The following MAP2 variants were observed in gnomAD, a reference collection of about 807,000 sequenced individuals.
The protein encoded by MAP2 is microtubule-associated protein 2.
Under a neutral mutation model 137.6 loss-of-function variants are expected in MAP2, and 14 were observed. That is an observed-to-expected ratio of 0.10 (90% CI 0.07 to 0.16). MAP2 has a LOEUF of 0.16. MAP2 is among the 10% of genes least tolerant of loss of function. MAP2 has a pLI of 1.00. For synonymous variants in MAP2, 786 were observed against 782.3 expected, an observed-to-expected ratio of 1.00 and a Z score of -0.08; for missense variants, 2,088 against 2,191.5, an observed-to-expected ratio of 0.95 and a Z score of 0.94.
At position 209,714,094 on chromosome 2, in the gene MAP2, G is replaced by A. The variant is rs566971688; in HGVS notation, c.5073+3840G>A. On this transcript the variant is annotated intron_variant, in intron 13 of 15. Transcript: ENST00000682079. ...TGGGCACCAGTAATCCCAGCTACTT[G>A]GGAGGCTGAGGCAGGAGAATTGCTT... Among the ~76,000 whole-genome samples the A allele has an allele frequency of 5.3e-5, 8 of 152,208 alleles. No individual in the cohort carries two copies. The East Asian group carries it at 1.4e-3, about 26-fold the overall frequency.
intron 2 of MAP2, among the ~76,000 whole-genome samples, chr2:209,568,906 T>C (rs2073939837): frequency 6.6e-6 from 1 of 151,850 alleles, no homozygotes; most frequent in African/African-American, 2.4e-5. Flanking sequence ...CCTTCATGGT[T>C]TGCCCATTTC....
At chr2:209,678,754 G>A (rs949355887) in intron 6 of MAP2, 69 bp downstream of exon 6, 1 of 874,328 alleles carries the variant, frequency 1.1e-6, no homozygotes, top group Non-Finnish European at 1.7e-6. Context: ...AAGTCTTCAT[G>A]TTCAAAAGAT....
chr2:209,517,221 T>G (rs990003334), intron 2 of MAP2, among the ~76,000 whole-genome samples: 8 of 152,122 alleles, frequency 5.3e-5, no homozygotes, highest in African/African-American at 1.9e-4. Flanking sequence ...TTTCTTATAT[T>G]TAGATAGTTT....
intron 3 of MAP2, among the ~76,000 whole-genome samples, chr2:209,585,848 T>G (rs1419191213): frequency 6.6e-6 from 1 of 152,174 alleles, no homozygotes; most frequent in Non-Finnish European, 1.5e-5. Flanking sequence ...GGTTTCAAAA[T>G]GAGCCTCGGC....
chr2:209,588,224 A>G (rs2078274974), intron 3 of MAP2, among the ~76,000 whole-genome samples: 1 of 152,218 alleles, frequency 6.6e-6, no homozygotes, highest in Non-Finnish European at 1.5e-5. Context: ...CATGCATTCA[A>G]TTGTTAAGAG....
At chr2:209,654,789 C>T (rs1028448110) in intron 5 of MAP2, among the ~76,000 whole-genome samples, 3 of 152,014 alleles carry the variant, frequency 2.0e-5, no homozygotes, top group South Asian at 2.1e-4. Flanking sequence ...TTTTCATCAT[C>T]GTATCTTGCA....
chr2:209,475,995 T>G (rs115766606), intron 1 of MAP2, among the ~76,000 whole-genome samples: 1 of 152,124 alleles, frequency 6.6e-6, no homozygotes, highest in Admixed American at 6.6e-5. Flanking sequence ...AATTTTAATA[T>G]AACTCAAAAT....
chr2:209,519,584 A>G (rs536810320), intron 2 of MAP2, among the ~76,000 whole-genome samples: 80 of 152,190 alleles, frequency 5.3e-4, no homozygotes, highest in African/African-American at 1.8e-3. Context: ...TTAGTTAGCC[A>G]TCATTAAGAT....
chr2:209,674,515 C>A (rs1469504149), intron 5 of MAP2, among the ~76,000 whole-genome samples: 3 of 151,514 alleles, frequency 2.0e-5, no homozygotes, highest in Non-Finnish European at 4.4e-5. Context: ...TAGAAAGTAG[C>A]AATGCTGGAA....
chr2:209,608,219 T>A (rs1368329434), intron 3 of MAP2, among the ~76,000 whole-genome samples: 1 of 152,206 alleles, frequency 6.6e-6, no homozygotes, highest in Non-Finnish European at 1.5e-5. Flanking sequence ...GTCCAAAACC[T>A]GAAACAAAGA....
chr2:209,703,642 A>G (rs2062425719), intron 11 of MAP2, among the ~76,000 whole-genome samples: 1 of 152,134 alleles, frequency 6.6e-6, no homozygotes, highest in Admixed American at 6.6e-5. Flanking sequence ...TTTGCTAGTC[A>G]CTTGTAACAT....
intron 5 of MAP2, among the ~76,000 whole-genome samples, chr2:209,666,209 G>A (rs148192301): frequency 0.018 from 2,747 of 152,164 alleles, 45 homozygotes; most frequent in Middle Eastern, 0.037. Flanking sequence ...GCTGACCTGG[G>A]GAAAGTGGCT....
At chr2:209,587,116 G>A (rs183754253) in intron 3 of MAP2, among the ~76,000 whole-genome samples, 10 of 152,188 alleles carry the variant, frequency 6.6e-5, no homozygotes, top group East Asian at 5.8e-4. Flanking sequence ...CCCTGTGTCC[G>A]TTTCTTCATT....
chr2:209,645,466 A>C (rs935658856), intron 4 of MAP2, among the ~76,000 whole-genome samples: 3 of 152,078 alleles, frequency 2.0e-5, no homozygotes, highest in Non-Finnish European at 4.4e-5. Flanking sequence ...TAAAAAAAAA[A>C]CTAAGTAATT....
intron 2 of MAP2, among the ~76,000 whole-genome samples, chr2:209,556,473 C>A (rs970180492): frequency 6.6e-6 from 1 of 152,032 alleles, no homozygotes; most frequent in African/African-American, 2.4e-5. Flanking sequence ...GGATCTGCAT[C>A]CTAAATCTGT....
chr2:209,721,478 G>C (rs1302243964), intron 13 of MAP2, among the ~76,000 whole-genome samples: 1 of 152,152 alleles, frequency 6.6e-6, no homozygotes, highest in African/African-American at 2.4e-5. Context: ...TTTTTTGATA[G>C]AATATCTGTG....
At chr2:209,725,991 G>A (rs578190555) in intron 14 of MAP2, among the ~76,000 whole-genome samples, 3 of 152,146 alleles carry the variant, frequency 2.0e-5, no homozygotes, top group South Asian at 2.1e-4. Context: ...ACAATGAAGA[G>A]GACACATTTT....
chr2:209,662,327 CAG>C (rs1161174877), intron 5 of MAP2, among the ~76,000 whole-genome samples: 2 of 152,210 alleles, frequency 1.3e-5, no homozygotes, highest in Admixed American at 6.5e-5. Flanking sequence ...TGCTAAATGT[CAG>C]AACTACATCA....
intron 2 of MAP2, among the ~76,000 whole-genome samples, chr2:209,553,060 G>A (rs939739384): frequency 7.3e-5 from 11 of 151,212 alleles, no homozygotes; most frequent in Non-Finnish European, 1.6e-4. Context: ...CGCCCAGGCT[G>A]GAGTGCAGTG....
Sources: gnomAD v4.1 joint callset for allele counts (sites outside exome capture counted in the v4.1 genomes callset) on GRCh38, gnomAD v4.1.1 for gene constraint, MANE v1.5 for transcripts, NCBI Gene and HGNC (gene_info 2026-07-23, HGNC 2026-07-21) for gene names.